The following PTPRD variants were observed in gnomAD, a reference collection of about 807,000 sequenced individuals.
The protein encoded by PTPRD is protein tyrosine phosphatase receptor type D.
PTPRD carries 34 observed loss-of-function variants against 214.5 expected under a neutral mutation model. That is an observed-to-expected ratio of 0.16 (90% CI 0.12 to 0.21). PTPRD has a LOEUF of 0.21. Ranked by LOEUF, PTPRD falls within the 10% of genes least tolerant of loss-of-function variation. The pLI is 1.00. For synonymous variants in PTPRD, 1,128 were observed against 845.7 expected (o/e 1.33, Z -5.79); for missense variants, 2,545 against 2,398.7 (o/e 1.06, Z -1.27).
At chr9:9,255,314 A>C (rs1308867556) in intron 9 of PTPRD, among the ~76,000 whole-genome samples, 1 of 152,086 alleles carries the variant, frequency 6.6e-6, no homozygotes, top group African/African-American at 2.4e-5. Flanking sequence ...AGTCTGTATC[A>C]ATAATTTCCT....
intron 11 of PTPRD, among the ~76,000 whole-genome samples, chr9:8,813,958 C>A (rs914417218): frequency 6.6e-6 from 1 of 152,194 alleles, no homozygotes; most frequent in African/African-American, 2.4e-5. Flanking sequence ...ACATTTCTTT[C>A]GGCCTTCCTC....
rs531366148 is a variant in PTPRD, at chr9:8,457,266, T to A, written c.3875+3145A>T. Among the ~76,000 whole-genome samples the A allele has an allele frequency of 7.4e-4, 113 of 152,276 alleles. 5 individuals carry two copies. The South Asian group carries it at 0.021, about 29-fold the overall frequency. ...ACTTGGATTCGGGTTTCTTGGCTCC[T>A]CAGTCCAGTACTTGGCCGAACGTTG... On this transcript the variant is annotated intron_variant, in intron 33 of 45. Transcript: ENST00000381196.
chr9:8,817,558 G>C lies in PTPRD; in HGVS notation c.-103-83612C>G, dbSNP rs189651656. Among the ~76,000 whole-genome samples, 68 of 152,172 alleles carry C rather than the reference G, an allele frequency of 4.5e-4. 1 individual carries two copies. The East Asian group carries it at 0.012, about 27-fold the overall frequency. On this transcript the variant is annotated intron_variant, in intron 11 of 45. Coordinates refer to ENST00000381196, the MANE Select transcript of PTPRD (RefSeq NM_002839.4). ...AGGTACAAAGATTGCTTGAGCTCAG[G>C]AGTTCAAGAATGCAGTGAGCTGTGA... is the stretch of plus-strand genomic sequence containing the variant.
intron 8 of PTPRD, among the ~76,000 whole-genome samples, chr9:9,481,571 A>T (rs2095417228): frequency 6.6e-6 from 1 of 151,958 alleles, no homozygotes; most frequent in Non-Finnish European, 1.5e-5. Context: ...TGAATATAAA[A>T]ATAAATATAT....
At chr9:8,878,060 AG>A (rs1256273422) in intron 11 of PTPRD, among the ~76,000 whole-genome samples, 2 of 152,212 alleles carry the variant, frequency 1.3e-5, no homozygotes, top group African/African-American at 4.8e-5. Context: ...TTGAGTTTGA[AG>A]ATAAAGTGCT....
chr9:10,367,671 C>G (rs2154475200), intron 2 of PTPRD, among the ~76,000 whole-genome samples: 1 of 152,206 alleles, frequency 6.6e-6, no homozygotes. Context: ...ATGTAAGAAG[C>G]TGTTCTCACT....
At chr9:10,289,551 G>A (rs1235521947) in intron 3 of PTPRD, among the ~76,000 whole-genome samples, 1 of 152,084 alleles carries the variant, frequency 6.6e-6, no homozygotes, top group African/African-American at 2.4e-5. Context: ...CTGGTAGGTT[G>A]CTTCCCCTAC....
At chr9:8,865,168 A>G (rs2098174322) in intron 11 of PTPRD, among the ~76,000 whole-genome samples, 2 of 152,198 alleles carry the variant, frequency 1.3e-5, no homozygotes, top group Non-Finnish European at 2.9e-5. Context: ...TAATCATAAT[A>G]CAAACCATCC....
At chr9:10,276,586 G>C (rs960894344) in intron 3 of PTPRD, among the ~76,000 whole-genome samples, 3 of 152,274 alleles carry the variant, frequency 2.0e-5, no homozygotes, top group South Asian at 2.1e-4. Flanking sequence ...GAAAGTCATA[G>C]TAGATAAAGA....
At chr9:10,544,443 C>T (rs2059782685) in intron 2 of PTPRD, among the ~76,000 whole-genome samples, 1 of 151,942 alleles carries the variant, frequency 6.6e-6, no homozygotes, top group Non-Finnish European at 1.5e-5. Context: ...TTCATTGTTG[C>T]TTTTTTCTTT....
chr9:10,232,302 G>A (rs1445881024), intron 3 of PTPRD, among the ~76,000 whole-genome samples: 2 of 151,850 alleles, frequency 1.3e-5, no homozygotes, highest in Non-Finnish European at 2.9e-5. Flanking sequence ...TGAGATAACT[G>A]AAATGATCCA....
At chr9:9,649,685 T>A (rs1227072307) in intron 7 of PTPRD, among the ~76,000 whole-genome samples, 1 of 152,232 alleles carries the variant, frequency 6.6e-6, no homozygotes, top group Non-Finnish European at 1.5e-5. Context: ...CACTCATTAA[T>A]GTGGTTCCAC....
intron 2 of PTPRD, among the ~76,000 whole-genome samples, chr9:10,465,374 C>T (rs2098986679): frequency 6.6e-6 from 1 of 152,062 alleles, no homozygotes; most frequent in South Asian, 2.1e-4. Flanking sequence ...CAAGTAGATG[C>T]AAATAAATGG....
intron 3 of PTPRD, among the ~76,000 whole-genome samples, chr9:10,271,030 G>A (rs2094389355): frequency 6.6e-6 from 1 of 151,890 alleles, no homozygotes; most frequent in Non-Finnish European, 1.5e-5. Context: ...TTGCTATGTT[G>A]CCCAGGTTGG....
intron 3 of PTPRD, among the ~76,000 whole-genome samples, chr9:10,048,542 C>T (rs2097451730): frequency 6.6e-6 from 1 of 151,982 alleles, no homozygotes. Flanking sequence ...TATCTTTAAT[C>T]CCTACTCTTC....
chr9:8,409,053 T>C (rs1228333734), intron 35 of PTPRD, among the ~76,000 whole-genome samples: 1 of 152,224 alleles, frequency 6.6e-6, no homozygotes, highest in Non-Finnish European at 1.5e-5. Flanking sequence ...GCAGATGGAT[T>C]AGAGGTTTGC....
intron 2 of PTPRD, among the ~76,000 whole-genome samples, chr9:10,356,111 C>T (rs1165536267): frequency 1.4e-5 from 2 of 147,966 alleles, no homozygotes; most frequent in Admixed American, 6.7e-5. Context: ...GAGAAAATTG[C>T]CTTTTTTTTT....
intron 10 of PTPRD, among the ~76,000 whole-genome samples, chr9:9,048,527 T>C (rs2099678080): frequency 6.6e-6 from 1 of 152,196 alleles, no homozygotes; most frequent in South Asian, 2.1e-4. Context: ...CTGGAGATTA[T>C]TATGATACAT....
At chr9:8,641,377 G>A (rs937782304) in intron 12 of PTPRD, among the ~76,000 whole-genome samples, 2 of 148,404 alleles carry the variant, frequency 1.3e-5, no homozygotes, top group African/African-American at 5.3e-5. Context: ...CCATTATTTA[G>A]AGAGGCATCC....
Sources: gnomAD v4.1 joint callset for allele counts (sites outside exome capture counted in the v4.1 genomes callset) on GRCh38, gnomAD v4.1.1 for gene constraint, MANE v1.5 for transcripts, NCBI Gene and HGNC (gene_info 2026-07-23, HGNC 2026-07-21) for gene names.